The following SLC28A2 variants were observed in gnomAD, a reference collection of about 807,000 sequenced individuals.
SLC28A2 encodes solute carrier family 28 member 2.
SLC28A2 carries 69 observed loss-of-function variants against 72.9 expected under a neutral mutation model. The observed-to-expected ratio is 0.95, with a 90% CI of 0.78 to 1.16. The LOEUF (loss-of-function observed/expected upper bound fraction) is 1.16. Among genes scored for constraint, SLC28A2 ranks in the 50% most tolerant of loss-of-function variants. The pLI is 0.00. For synonymous variants in SLC28A2, 296 were observed against 294.1 expected, an observed-to-expected ratio of 1.01 and a Z score of -0.07; for missense variants, 745 against 791.1, an observed-to-expected ratio of 0.94 and a Z score of 0.70.
At chr15:45,271,213 C>T (rs1442638072) in intron 15 of SLC28A2, among the ~76,000 whole-genome samples, 1 of 152,134 alleles carries the variant, frequency 6.6e-6, no homozygotes, top group Non-Finnish European at 1.5e-5. Flanking sequence ...TGGAATTGTC[C>T]TTGAGTGCAG....
At position 45,276,535 on chromosome 15, in the gene SLC28A2, TAAAA is replaced by T. The variant is rs1470727297; in HGVS notation, c.*1023_*1026del. 1.0e-5 allele frequency: 1 copy of T among 96,442 alleles called. No homozygotes were observed. The highest frequency in any genetic ancestry group is 3.3e-5 in the African/African-American group (1 of 30,288). 6.0% of individuals were successfully genotyped at this position (96,442 alleles called of 1,614,324 possible). A position where few individuals can be genotyped will look rare whatever the true frequency, so the allele number is the denominator to read the frequency against. ...ATAAAGTGAAGCACCCACCAAAAAA[TAAAA>T]TAAATAAAATAAATAAATAAAAGAA... On this transcript the variant is annotated 3_prime_UTR_variant, in exon 18 of 18. Coordinates refer to ENST00000347644, the MANE Select transcript of SLC28A2 (RefSeq NM_004212.4).
chr15:45,275,598 C>G lies in SLC28A2; in HGVS notation c.*85C>G. 1 of 792,000 alleles carries G rather than the reference C, an allele frequency of 1.3e-6. No homozygotes were observed. The highest frequency in any genetic ancestry group is 2.2e-6 in the Non-Finnish European group (1 of 461,996). 49.1% of individuals were successfully genotyped at this position (792,000 alleles called of 1,614,324 possible). ...GTTTATGTACTCAGGGTGCCCACAA[C>G]TCACTCACCAAGATGTTTAACAGTA... is the stretch of plus-strand genomic sequence containing the variant. On this transcript the variant is annotated 3_prime_UTR_variant, in exon 18 of 18. Coordinates refer to ENST00000347644, the MANE Select transcript of SLC28A2 (RefSeq NM_004212.4).
At chr15:45,260,867 C>G (rs757973445) in intron 3 of SLC28A2, among the ~76,000 whole-genome samples, 1 of 152,212 alleles carries the variant, frequency 6.6e-6, no homozygotes, top group Non-Finnish European at 1.5e-5. Flanking sequence ...ATTGTTTCCT[C>G]CTTTCTCAGC....
chr15:45,265,967 C>T (rs1026467275), intron 9 of SLC28A2, 114 bp from the exon 10 acceptor site: 4 of 800,020 alleles, frequency 5.0e-6, no homozygotes, highest in African/African-American at 3.5e-5. Context: ...GCTTGCTGCT[C>T]TACTTCTCTA....
At chr15:45,256,763 T>C (rs1428096737) in intron 3 of SLC28A2, among the ~76,000 whole-genome samples, 2 of 152,152 alleles carry the variant, frequency 1.3e-5, no homozygotes, top group African/African-American at 2.4e-5. Context: ...ATTTCCTTTC[T>C]CCTGACCAAC....
intron 1 of SLC28A2, 106 bp from the exon 2 acceptor site, chr15:45,253,094 C>A: frequency 1.5e-6 from 1 of 645,338 alleles, no homozygotes; most frequent in Non-Finnish European, 2.8e-6. Flanking sequence ...CCTTCAAAGA[C>A]TTTTAGTTTT....
intron 9 of SLC28A2, 98 bp from the exon 10 acceptor site, chr15:45,265,983 C>A: frequency 1.1e-6 from 1 of 895,004 alleles, no homozygotes. Flanking sequence ...CTCTAGGCCT[C>A]AGTTTCCTTA....
Position 45,275,591 on chromosome 15 carries a change from C to A in SLC28A2, c.*78C>A. On this transcript the variant is annotated 3_prime_UTR_variant, in exon 18 of 18. Coordinates refer to ENST00000347644, the MANE Select transcript of SLC28A2 (RefSeq NM_004212.4). Reference sequence around the variant, plus strand: ...CAAAGGTGTTTATGTACTCAGGGTGCCCACAACTCACTCACCAAGATGTTT... The same window carrying A: ...CAAAGGTGTTTATGTACTCAGGGTGACCACAACTCACTCACCAAGATGTTT... 1.2e-6 allele frequency: 1 copy of A among 836,824 alleles called. No individual in the cohort carries two copies. Among genetic ancestry groups the A allele is most frequent in the South Asian group, 1.5e-5 (1 of 67,188 alleles). The allele number at this position is 836,824 out of a possible 1,614,324, so 51.8% of individuals were successfully genotyped here.
chr15:45,266,090 T>G lies in SLC28A2; in HGVS notation c.871T>G (p.Phe291Val). 1 of 1,612,598 alleles carries G rather than the reference T, an allele frequency of 6.2e-7. No individual in the cohort carries two copies. ...TTCTGTATTCTTCTAGGTCGCCTGG[T>G]TTTTACAAATCACTATGGGCACCAC... ...VQWVVQKVAW[F>V]LQITMGTTAT... The change falls in exon 10 of 18, where the codon TTT becomes GTT. Residue 291 changes from phenylalanine to valine, a missense_variant. Coordinates refer to ENST00000347644, the MANE Select transcript of SLC28A2 (RefSeq NM_004212.4).
chr15:45,274,453 G>A (rs1449439258), intron 17 of SLC28A2, among the ~76,000 whole-genome samples: 1 of 152,166 alleles, frequency 6.6e-6, no homozygotes, highest in Admixed American at 6.5e-5. Flanking sequence ...AGAGACTGTA[G>A]TGAGCCGTGA....
At position 45,277,489 on chromosome 15, in the gene SLC28A2, T is replaced by C. The variant is rs1034631888; in HGVS notation, c.*1976T>C. 5 of 151,238 alleles carry C rather than the reference T, an allele frequency of 3.3e-5. No individual in the cohort carries two copies. The highest frequency in any genetic ancestry group is 3.3e-4 in the Admixed American group (5 of 15,212). The allele number at this position is 151,238 out of a possible 1,614,324, so 9.4% of individuals were successfully genotyped here. On this transcript the variant is annotated 3_prime_UTR_variant, in exon 18 of 18. Coordinates refer to ENST00000347644, the MANE Select transcript of SLC28A2 (RefSeq NM_004212.4). ...CACACAATGGAATTTTATTCACCCA[T>C]TAAAAAAAGAAGTACTGATTTATGC...
intron 15 of SLC28A2, 137 bp from the exon 16 acceptor site, chr15:45,272,158 C>A (rs970936896): frequency 9.1e-6 from 6 of 658,056 alleles, no homozygotes; most frequent in South Asian, 3.7e-5. Context: ...ACTGGCCAGT[C>A]TCAGGTGGAT....
rs955865445 is a variant in SLC28A2 at position 45,269,447 on chromosome 15, T to G, written c.1478T>G (p.Phe493Cys). 1.2e-6 allele frequency: 2 copies of G among 1,614,054 alleles called. No individual in the cohort carries two copies. The change falls in exon 14 of 18, where the codon TTT (phenylalanine) becomes TGT (cysteine). Residue 493 changes from phenylalanine to cysteine, a missense_variant. Phe to Cys is a radical substitution (Grantham distance 205, BLOSUM62 -2). Coordinates refer to ENST00000347644, the MANE Select transcript of SLC28A2 (RefSeq NM_004212.4). ...GGAATCAAGTTCTTCATAAATGAGTTTGTGGCTTATCAGCAACTGTCTCAA... is the reference window on the plus strand; with the variant it reads ...GGAATCAAGTTCTTCATAAATGAGTGTGTGGCTTATCAGCAACTGTCTCAA... The part of the protein sequence containing the change: ...MVGIKFFINE[F>C]VAYQQLSQYK...
rs1900392175 is a variant in SLC28A2 at position 45,267,781 on chromosome 15, T to TAAAGCTGCCCCGTGGGTGAGTCC, written c.1187_1199+10dup. On this transcript the variant is annotated stop_gained and frameshift_variant, in exon 12 of 18. Transcript: ENST00000347644. LOFTEE classifies it high-confidence loss of function. ...TCCAAGTTCAAGAGTGAGGAGGGGG[T>TAAAGCTGCCCCGTGGGTGAGTCC]AAAGCTGCCCCGTGGGTGAGTCCAA... 1 of 1,613,726 alleles carries TAAAGCTGCCCCGTGGGTGAGTCC rather than the reference T, an allele frequency of 6.2e-7. No homozygotes were observed. The highest frequency in any genetic ancestry group is 1.7e-5 in the Admixed American group (1 of 59,956).
In SLC28A2 at chr15:45,263,223, G is replaced by A. The variant is rs115740452; in HGVS notation, c.425G>A (p.Arg142His). Reference protein sequence around the residue: ...TRCLKPFENSRLRLWTKWVFA... With the variant: ...TRCLKPFENSHLRLWTKWVFA... ...TGTCTGAAGCCCTTTGAAAACTCCC[G>A]CCTGAGGCTTTGGACGAAATGGTAA... is the stretch of plus-strand genomic sequence containing the variant. Residue 142 changes from arginine (R) to histidine (H), a missense_variant, in exon 5 of 18, where the codon CGC becomes CAC. Coordinates refer to ENST00000347644, the MANE Select transcript of SLC28A2 (RefSeq NM_004212.4). 2.8e-4 allele frequency: 458 copies of A among 1,613,768 alleles called. 2 individuals carry two copies. The East Asian group carries it at 2.9e-3, about 10-fold the overall frequency.
chr15:45,261,727 A>C (rs1900169154), intron 3 of SLC28A2, among the ~76,000 whole-genome samples: 1 of 152,192 alleles, frequency 6.6e-6, no homozygotes, highest in Non-Finnish European at 1.5e-5. Context: ...TGGGAAAGGA[A>C]AGTAGTAGAC....
chr15:45,276,301 A>C lies in SLC28A2; in HGVS notation c.*788A>C, dbSNP rs1900753381. 1 of 152,068 alleles carries C rather than the reference A, an allele frequency of 6.6e-6. No individual in the cohort carries two copies. The highest frequency in any genetic ancestry group is 2.1e-4 in the South Asian group (1 of 4,828). The allele number at this position is 152,068 out of a possible 1,614,324, so 9.4% of individuals were successfully genotyped here. A position where few individuals can be genotyped will look rare whatever the true frequency, so the allele number is the denominator to read the frequency against. On this transcript the variant is annotated 3_prime_UTR_variant, in exon 18 of 18. Coordinates refer to ENST00000347644, the MANE Select transcript of SLC28A2 (RefSeq NM_004212.4). Reference sequence around the variant, plus strand: ...ACAATGAGAACACATGGACACAGGAAGGGGAACATCACACTCTGGGGACTG... The same window carrying C: ...ACAATGAGAACACATGGACACAGGACGGGGAACATCACACTCTGGGGACTG...
At chr15:45,253,050 T>G in intron 1 of SLC28A2, 150 bp from the exon 2 acceptor site, 1 of 531,960 alleles carries the variant, frequency 1.9e-6, no homozygotes, top group South Asian at 3.2e-5. Flanking sequence ...CATCCAATCT[T>G]CTCAATTCTC....
At chr15:45,272,211 C>T (rs1041800582) in intron 15 of SLC28A2, 84 bp from the exon 16 acceptor site, 4 of 1,032,908 alleles carry the variant, frequency 3.9e-6, no homozygotes, top group East Asian at 2.4e-5. Flanking sequence ...TGTTTCTCTG[C>T]GTTCTTCTAA....
Sources: gnomAD v4.1 joint callset for allele counts (sites outside exome capture counted in the v4.1 genomes callset) on GRCh38, gnomAD v4.1.1 for gene constraint, MANE v1.5 for transcripts, NCBI Gene and HGNC (gene_info 2026-07-23, HGNC 2026-07-21) for gene names.